Variants in SLC25A43 observed in about 807,000 individuals in gnomAD.
SLC25A43 encodes solute carrier family 25, member 43.
SLC25A43 carries 10 observed loss-of-function variants against 22.8 expected under a neutral mutation model. The observed-to-expected ratio is 0.44, with a 90% CI of 0.27 to 0.74. SLC25A43 has a LOEUF of 0.74. SLC25A43 is among the 30% of genes least tolerant of loss of function. SLC25A43 has a pLI of 0.17. For synonymous variants in SLC25A43, 106 were observed against 121.6 expected (o/e 0.87, Z 0.84); for missense variants, 233 against 279.1 (o/e 0.83, Z 1.18).
In SLC25A43 at chrX:119,452,035, T is replaced by G; in HGVS notation, c.717T>G (p.Ser239Arg). The change falls in exon 4 of 5, where the codon AGT becomes AGG. Residue 239 changes from serine (S) to arginine (R), a missense_variant. By Grantham distance (110) the Ser-to-Arg change is moderately radical (BLOSUM62 -1). Transcript: ENST00000217909. ...MQAQSPYLPH[S>R]GGVDVHFSGA... ...CTCAGAGCCCCTACCTCCCACACAG[T>G]GGAGGAGTAGATGTCCATTTCTCAG... is the stretch of plus-strand genomic sequence containing the variant. 8.3e-7 allele frequency: 1 copy of G among 1,210,753 alleles called. No individual in the cohort carries two copies.
intron 3 of SLC25A43, among the ~76,000 whole-genome samples, chrX:119,428,360 C>T (rs1489182220): frequency 1.0e-4 from 11 of 110,409 alleles, no homozygotes; most frequent in Non-Finnish European, 1.9e-4. Context: ...GAGGCTGAGG[C>T]GGAGGAATCA....
intron 3 of SLC25A43, among the ~76,000 whole-genome samples, chrX:119,430,541 G>C (rs1427402757): frequency 8.9e-6 from 1 of 112,014 alleles, no homozygotes; most frequent in Middle Eastern, 4.2e-3. Flanking sequence ...GTCAGCAGCA[G>C]GCTGATGGAC....
At chrX:119,434,928 T>G (rs1389443025) in intron 3 of SLC25A43, 1 of 110,579 alleles carries the variant, frequency 9.0e-6, no homozygotes, top group East Asian at 2.8e-4. Context: ...CATCTCTGCT[T>G]CCTGGGTTCA....
intron 3 of SLC25A43, among the ~76,000 whole-genome samples, chrX:119,424,212 CA>C (rs201882702): frequency 0.14 from 8,376 of 59,120 alleles, 553 homozygotes; most frequent in African/African-American, 0.29. Context: ...GACTCCGTCT[CA>C]AAAAAAAAAA....
chrX:119,426,900 C>A (rs1603297281), intron 3 of SLC25A43, among the ~76,000 whole-genome samples: 1 of 110,543 alleles, frequency 9.0e-6, no homozygotes, highest in Non-Finnish European at 1.9e-5. Flanking sequence ...GCTCACAGAA[C>A]CTCAATAGAC....
In SLC25A43 at chrX:119,399,579, T is replaced by C. The variant is rs1395771367; in HGVS notation, c.176T>C (p.Val59Ala). The part of the protein sequence containing the change: ...ARGPWATGHR[V>A]WRAEGLRALW... ...GGACCGTGGGCCACAGGGCACCGGG[T>C]GTGGCGGGCAGAGGGGCTCCGGGCC... Residue 59 changes from valine (V) to alanine (A), a missense_variant, in exon 1 of 5, where the codon GTG (valine) becomes GCG (alanine). Coordinates refer to ENST00000217909, the MANE Select transcript of SLC25A43 (RefSeq NM_145305.3). The C allele has an allele frequency of 3.8e-6, 4 of 1,043,756 alleles. No individual in the cohort carries two copies. Among genetic ancestry groups the C allele is most frequent in the Non-Finnish European group, 4.9e-6 (4 of 816,614 alleles). 86.0% of individuals were successfully genotyped at this position (1,043,756 alleles called of 1,213,427 possible). A position where few individuals can be genotyped will look rare whatever the true frequency, so the allele number is the denominator to read the frequency against.
chrX:119,399,733 G>A, intron 1 of SLC25A43, 55 bp downstream of exon 1: 2 of 976,695 alleles, frequency 2.0e-6, no homozygotes, highest in Non-Finnish European at 1.3e-6. Flanking sequence ...TGGGGTGGGG[G>A]AGCCGCGGCC....
chrX:119,399,596 C>T lies in SLC25A43; in HGVS notation c.193C>T (p.Leu65Phe). Residue 65 changes from leucine to phenylalanine, a missense_variant, in exon 1 of 5, where the codon CTC (leucine) becomes TTC (phenylalanine). Leu to Phe is a conservative substitution (Grantham distance 22). Transcript: ENST00000217909. ...GCACCGGGTGTGGCGGGCAGAGGGG[C>T]TCCGGGCCCTGTGGAAGGGGAACGC... ...TGHRVWRAEG[L>F]RALWKGNAVA... The T allele has an allele frequency of 9.6e-7, 1 of 1,038,294 alleles. No individual in the cohort carries two copies. The highest frequency in any genetic ancestry group is 1.2e-6 in the Non-Finnish European group (1 of 814,434). 85.6% of individuals were successfully genotyped at this position (1,038,294 alleles called of 1,213,427 possible).
intron 3 of SLC25A43, among the ~76,000 whole-genome samples, chrX:119,447,518 G>A (rs1411257099): frequency 9.1e-6 from 1 of 110,353 alleles, no homozygotes; most frequent in Admixed American, 9.7e-5. Context: ...GTGTTGCCCA[G>A]GCTGGTCTTG....
chrX:119,453,126 C>A lies in SLC25A43; in HGVS notation c.*61C>A. The A allele has an allele frequency of 1.0e-6, 1 of 998,980 alleles. No homozygotes were observed. Among genetic ancestry groups the A allele is most frequent in the Non-Finnish European group, 1.4e-6 (1 of 708,551 alleles). The allele number at this position is 998,980 out of a possible 1,213,427, so 82.3% of individuals were successfully genotyped here. A position where few individuals can be genotyped will look rare whatever the true frequency, so the allele number is the denominator to read the frequency against. On this transcript the variant is annotated 3_prime_UTR_variant, in exon 5 of 5. Coordinates refer to ENST00000217909, the MANE Select transcript of SLC25A43 (RefSeq NM_145305.3). ...ATGTTGCAATCACAGATAAATGTAG[C>A]CTCATAACTGTGCACCTGAGGAGGG...
At chrX:119,412,466 C>A (rs1324158527) in intron 3 of SLC25A43, among the ~76,000 whole-genome samples, 1 of 111,114 alleles carries the variant, frequency 9.0e-6, no homozygotes, top group Non-Finnish European at 1.9e-5. Context: ...CCTCCTCCTC[C>A]TGGGTTTAAG....
chrX:119,419,244 T>C (rs2052433327), intron 3 of SLC25A43, among the ~76,000 whole-genome samples: 1 of 111,511 alleles, frequency 9.0e-6, no homozygotes, highest in Non-Finnish European at 1.9e-5. Flanking sequence ...CACCCTCCCC[T>C]ATTGCCCATA....
intron 3 of SLC25A43, among the ~76,000 whole-genome samples, chrX:119,419,181 G>A (rs1244863935): frequency 9.0e-6 from 1 of 111,542 alleles, no homozygotes; most frequent in East Asian, 2.8e-4. Context: ...CTTCTGAAAG[G>A]ATCAGGAGGG....
chrX:119,451,194 C>T (rs1016696315), intron 3 of SLC25A43, among the ~76,000 whole-genome samples: 3 of 111,176 alleles, frequency 2.7e-5, no homozygotes, highest in South Asian at 3.8e-4. Context: ...AAGGAGAAAA[C>T]GTTCCTTTCA....
At chrX:119,441,329 C>T (rs2052620232) in intron 3 of SLC25A43, among the ~76,000 whole-genome samples, 1 of 83,472 alleles carries the variant, frequency 1.2e-5, no homozygotes, top group African/African-American at 4.5e-5. Context: ...TGCTTCGGCT[C>T]GCGCACGGTG....
At position 119,399,393 on chromosome X, in the gene SLC25A43, G is replaced by C. The variant is rs1343404566; in HGVS notation, c.-11G>C. On this transcript the variant is annotated 5_prime_UTR_variant, in exon 1 of 5. Coordinates refer to ENST00000217909, the MANE Select transcript of SLC25A43 (RefSeq NM_145305.3). ...GAGCCACGCGGTCTTCCGGGCCCGG[G>C]TCGGGGCTCGATGGCTACGTGGAGG... The C allele has an allele frequency of 3.0e-6, 3 of 992,019 alleles. No homozygotes were observed. Among genetic ancestry groups the C allele is most frequent in the Non-Finnish European group, 3.8e-6 (3 of 787,868 alleles). 81.8% of individuals were successfully genotyped at this position (992,019 alleles called of 1,213,427 possible). A position where few individuals can be genotyped will look rare whatever the true frequency, so the allele number is the denominator to read the frequency against.
In SLC25A43 at chrX:119,443,738, ATTTATTTATTTATT is replaced by A. The variant is rs1317137246; in HGVS notation, c.691-8263_691-8250del. Among the ~76,000 whole-genome samples the A allele has an allele frequency of 5.8e-3, 617 of 105,730 alleles. 1 individual carries two copies. Among genetic ancestry groups the A allele is most frequent in the Non-Finnish European group, 9.9e-3 (513 of 51,750 alleles). The allele number at this position is 105,730 out of a possible 115,157, so 91.8% of individuals were successfully genotyped here. On this transcript the variant is annotated intron_variant, in intron 3 of 4. Transcript: ENST00000217909. ...AGAATTATTTTTTATTTATTTATTT[ATTTATTTATTTATT>A]TTTATTTTTTTGAAACAGGGTTTTT...
intron 2 of SLC25A43, 118 bp from the exon 3 acceptor site, chrX:119,410,071 AT>A (rs2052336051): frequency 1.2e-6 from 1 of 804,123 alleles, no homozygotes; most frequent in African/African-American, 2.1e-5. Flanking sequence ...GGTTGGAGGG[AT>A]TTTAGCAACC....
intron 3 of SLC25A43, among the ~76,000 whole-genome samples, chrX:119,441,375 T>C (rs2052621007): frequency 1.1e-5 from 1 of 93,698 alleles, no homozygotes; most frequent in South Asian, 5.8e-4. Flanking sequence ...TGTCTGGCAC[T>C]CCCTAGTGAG....
Sources: allele counts gnomAD v4.1 joint callset (sites outside exome capture counted in the v4.1 genomes callset), GRCh38; gene constraint gnomAD v4.1.1; transcripts MANE v1.5; gene names NCBI Gene and HGNC (gene_info 2026-07-23, HGNC 2026-07-21).